ST8SIA4: variants seen among roughly 807,000 people sequenced by gnomAD.
The protein encoded by ST8SIA4 is CMP-N-acetylneuraminate-poly-alpha-2,8-sialyltransferase.
ST8SIA4 carries 15 observed loss-of-function variants against 33.9 expected under a neutral mutation model. That is an observed-to-expected ratio of 0.44 (90% CI 0.30 to 0.68). ST8SIA4 has a LOEUF of 0.68. Ranked by LOEUF, ST8SIA4 falls within the 30% of genes least tolerant of loss-of-function variation. The probability of loss-of-function intolerance (pLI) is 0.10; values close to 1 mark genes in which losing one functional copy is unlikely to be tolerated. For synonymous variants in ST8SIA4, 171 were observed against 151.2 expected, an observed-to-expected ratio of 1.13 and a Z score of -0.96; for missense variants, 321 against 428.0, an observed-to-expected ratio of 0.75 and a Z score of 2.21.
chr5:100,895,749 A>G lies in ST8SIA4; in HGVS notation c.150T>C (p.Asn50=). ...GELSLSRSLV[N]SSDKIIRKAG... ...CCTTTCGAATGATTTTATCAGAGCT[A>G]TTGACAAGTGACCGACTCAAAGACA... The change falls in exon 2 of 5, where the codon AAT becomes AAC. Residue 50 remains asparagine (N), a synonymous_variant. Coordinates refer to ENST00000231461, the MANE Select transcript of ST8SIA4 (RefSeq NM_005668.6). The G allele has an allele frequency of 1.2e-6, 2 of 1,612,852 alleles. No individual in the cohort carries two copies. Among genetic ancestry groups the G allele is most frequent in the Non-Finnish European group, 1.7e-6 (2 of 1,179,126 alleles).
chr5:100,891,675 CTT>C (rs994109347), intron 2 of ST8SIA4, among the ~76,000 whole-genome samples: 34 of 151,976 alleles, frequency 2.2e-4, no homozygotes, highest in Admixed American at 4.6e-4. Context: ...TGAAAAATGA[CTT>C]TTGTTATTTT....
At chr5:100,854,700 C>A (rs962923680) in intron 4 of ST8SIA4, among the ~76,000 whole-genome samples, 21 of 152,254 alleles carry the variant, frequency 1.4e-4, no homozygotes, top group African/African-American at 5.1e-4. Flanking sequence ...AATGGTAAAT[C>A]CTTGCAGGAA....
intron 4 of ST8SIA4, among the ~76,000 whole-genome samples, chr5:100,817,028 T>C (rs1486338745): frequency 6.6e-6 from 1 of 150,752 alleles, no homozygotes; most frequent in African/African-American, 2.4e-5. Flanking sequence ...CTGCAATCTC[T>C]GCCTCCCGGG....
chr5:100,853,973 T>TTGTG (rs370881650), intron 4 of ST8SIA4, among the ~76,000 whole-genome samples: 375 of 17,066 alleles, frequency 0.022, 1 homozygote, highest in Non-Finnish European at 0.045. Context: ...TGGAATGTGT[T>TTGTG]TGTGTGTGTG....
At chr5:100,887,719 T>C (rs1484413848) in intron 2 of ST8SIA4, among the ~76,000 whole-genome samples, 2 of 152,074 alleles carry the variant, frequency 1.3e-5, no homozygotes, top group African/African-American at 4.8e-5. Flanking sequence ...AGTTGTGCCA[T>C]GCATCTAATA....
chr5:100,811,690 A>G lies in ST8SIA4; in HGVS notation c.*157T>C. ...TTAATTTTTAGAGCACTTTGCAGGT[A>G]TTTCATCAGCTGGTAGTCGATTTCT... On this transcript the variant is annotated 3_prime_UTR_variant, in exon 5 of 5. Transcript: ENST00000231461. 1.4e-6 allele frequency: 1 copy of G among 729,250 alleles called. No homozygotes were observed. Among genetic ancestry groups the G allele is most frequent in the Non-Finnish European group, 2.2e-6 (1 of 456,382 alleles). The allele number at this position is 729,250 out of a possible 1,614,324, so 45.2% of individuals were successfully genotyped here.
rs1304702484 is a variant in ST8SIA4 at position 100,816,493 on chromosome 5, G to A, written c.798-4364C>T. ...CTAAAAGTTTAGAAGTATTACATTG[G>A]TGCAAAAGTAACTGCAGTTTTTGCT... is the stretch of plus-strand genomic sequence containing the variant. On this transcript the variant is annotated intron_variant, in intron 4 of 4. Coordinates refer to ENST00000231461, the MANE Select transcript of ST8SIA4 (RefSeq NM_005668.6). The A allele has an allele frequency of 7.6e-6, 4 of 525,592 alleles. No homozygotes were observed. In the African/African-American group the frequency reaches 7.8e-5, roughly 10 times the overall value. 32.6% of individuals were successfully genotyped at this position (525,592 alleles called of 1,614,324 possible).
intron 4 of ST8SIA4, among the ~76,000 whole-genome samples, chr5:100,821,143 C>T (rs1374591802): frequency 6.6e-6 from 1 of 151,940 alleles, no homozygotes; most frequent in East Asian, 1.9e-4. Flanking sequence ...GATCAGATTA[C>T]TTTTTGAAAA....
rs757608304 is a variant in ST8SIA4 at position 100,812,127 on chromosome 5, T to A, written c.800A>T (p.Tyr267Phe). ...GATAGGAACTTTGTTGGTCAGCCAG[T>A]AACTGGAAAAACAAAAAACAAAATC... ...SLRLIHAVRGYWLTNKVPIKR... is the reference protein window; with the variant it reads ...SLRLIHAVRGFWLTNKVPIKR... The change falls in exon 5 of 5, where the codon TAC (tyrosine) becomes TTC (phenylalanine). Residue 267 changes from tyrosine (Y) to phenylalanine (F), a missense_variant and splice_region_variant. Transcript: ENST00000231461. 2 of 1,603,634 alleles carry A rather than the reference T, an allele frequency of 1.2e-6. No individual in the cohort carries two copies. The highest frequency in any genetic ancestry group is 2.7e-5 in the African/African-American group (2 of 74,078).
chr5:100,813,957 T>C (rs1338680236), intron 4 of ST8SIA4, among the ~76,000 whole-genome samples: 1 of 152,124 alleles, frequency 6.6e-6, no homozygotes, highest in East Asian at 1.9e-4. Flanking sequence ...GAATTATTTC[T>C]AAAGTGAGAA....
At position 100,808,153 on chromosome 5, in the gene ST8SIA4, A is replaced by G. The variant is rs1246574900; in HGVS notation, c.*3694T>C. ...ATATGCATTATGTCTAACTGGCTCA[A>G]TTAGAAATAAATTAATTTGTTCATC... On this transcript the variant is annotated 3_prime_UTR_variant, in exon 5 of 5. Transcript: ENST00000231461. 1 of 152,586 alleles carries G rather than the reference A, an allele frequency of 6.6e-6. No individual in the cohort carries two copies. The highest frequency in any genetic ancestry group is 1.5e-5 in the Non-Finnish European group (1 of 68,006). 9.5% of individuals were successfully genotyped at this position (152,586 alleles called of 1,614,324 possible).
At position 100,834,367 on chromosome 5, in the gene ST8SIA4, G is replaced by T. The variant is rs201126360; in HGVS notation, c.797+21736C>A. ...ATAACTATTTAACTGACATTAAAAAGAAATATTTTTATCTATGAAAATGCC... is the reference window on the plus strand; with the variant it reads ...ATAACTATTTAACTGACATTAAAAATAAATATTTTTATCTATGAAAATGCC... On this transcript the variant is annotated intron_variant, in intron 4 of 4. Coordinates refer to ENST00000231461, the MANE Select transcript of ST8SIA4 (RefSeq NM_005668.6). Among the ~76,000 whole-genome samples the T allele has an allele frequency of 3.3e-5, 5 of 152,070 alleles. No individual in the cohort carries two copies. The East Asian group carries it at 9.6e-4, about 29-fold the overall frequency.
chr5:100,895,323 G>A (rs1247236338), intron 2 of ST8SIA4, among the ~76,000 whole-genome samples: 1 of 152,002 alleles, frequency 6.6e-6, no homozygotes, highest in Non-Finnish European at 1.5e-5. Flanking sequence ...ACTCAATAGG[G>A]AAGTTAAAGA....
chr5:100,865,036 A>T lies in ST8SIA4; in HGVS notation c.504-8640T>A, dbSNP rs1580470074. ...CTGGACCACAGAAATCACTAAAAAAATCATAGTCCCCGAACAATGGTTATG... is the reference window on the plus strand; with the variant it reads ...CTGGACCACAGAAATCACTAAAAAATTCATAGTCCCCGAACAATGGTTATG... On this transcript the variant is annotated intron_variant, in intron 3 of 4. Coordinates refer to ENST00000231461, the MANE Select transcript of ST8SIA4 (RefSeq NM_005668.6). 1.3e-5 allele frequency among the ~76,000 whole-genome samples: 2 copies of T among 152,190 alleles called. 1 individual carries two copies. Among genetic ancestry groups the T allele is most frequent in the South Asian group, 4.1e-4 (2 of 4,830 alleles).
At chr5:100,855,989 G>A (rs115857469) in intron 4 of ST8SIA4, 114 bp downstream of exon 4, 14,330 of 942,826 alleles carry the variant, frequency 0.015, 157 homozygotes, top group Middle Eastern at 0.025. Context: ...ATAAAATAAC[G>A]GAAACATATA....
At chr5:100,898,575 T>A (rs765869102) in intron 1 of ST8SIA4, among the ~76,000 whole-genome samples, 2 of 152,202 alleles carry the variant, frequency 1.3e-5, no homozygotes, top group African/African-American at 2.4e-5. Flanking sequence ...CTACAACTAG[T>A]CACACTTTTT....
chr5:100,886,547 C>T lies in ST8SIA4; in HGVS notation c.299G>A (p.Ser100Asn). The change falls in exon 3 of 5, where the codon AGC (serine) becomes AAC (asparagine). Residue 100 changes from serine (S) to asparagine (N), a missense_variant. Ser to Asn is a conservative substitution (Grantham distance 46). Transcript: ENST00000231461. ...TATGACATCACCAGGCTTAAAACTG[C>T]TCTTGACCACTGACACATCTCGTTC... The part of the protein sequence containing the change: ...DAERDVSVVK[S>N]SFKPGDVIHY... The T allele has an allele frequency of 6.2e-7, 1 of 1,613,856 alleles. No individual in the cohort carries two copies. The highest frequency in any genetic ancestry group is 8.5e-7 in the Non-Finnish European group (1 of 1,179,768).
chr5:100,849,419 T>C, intron 4 of ST8SIA4: 1 of 985,420 alleles, frequency 1.0e-6, no homozygotes, highest in Non-Finnish European at 1.2e-6. Flanking sequence ...GTTAGAATTG[T>C]TCAAATCCTC....
At position 100,810,097 on chromosome 5, in the gene ST8SIA4, C is replaced by G. The variant is rs1178870826; in HGVS notation, c.*1750G>C. 1 of 152,134 alleles carries G rather than the reference C, an allele frequency of 6.6e-6. No homozygotes were observed. Among genetic ancestry groups the G allele is most frequent in the Non-Finnish European group, 1.5e-5 (1 of 68,002 alleles). The allele number at this position is 152,134 out of a possible 1,614,324, so 9.4% of individuals were successfully genotyped here. A position where few individuals can be genotyped will look rare whatever the true frequency, so the allele number is the denominator to read the frequency against. The stretch of plus-strand genomic sequence containing the variant: ...GCCCAAGAAATAAGAAATCAAAGTA[C>G]AAGTGAGAATGCAGAGCTTCTGCCC... On this transcript the variant is annotated 3_prime_UTR_variant, in exon 5 of 5. Transcript: ENST00000231461.
Sources: gnomAD v4.1 joint callset for allele counts (sites outside exome capture counted in the v4.1 genomes callset) on GRCh38, gnomAD v4.1.1 for gene constraint, MANE v1.5 for transcripts, NCBI Gene and HGNC (gene_info 2026-07-23, HGNC 2026-07-21) for gene names.